Variants in AGXT2 observed in about 807,000 individuals in gnomAD.
AGXT2 encodes alanine--glyoxylate aminotransferase 2, mitochondrial.
A neutral mutation model predicts 62.5 loss-of-function variants in AGXT2; 61 were observed. The ratio of observed to expected loss-of-function variants is 0.98; its 90% confidence interval spans 0.79 to 1.21. The LOEUF is 1.21. AGXT2 is among the 50% of genes most tolerant of loss of function. AGXT2 has a pLI of 0.00. For missense variants in AGXT2, 666 were observed against 641.5 expected (o/e 1.04, Z -0.41); for synonymous variants, 243 against 218.7 (o/e 1.11, Z -0.98).
intron 4 of AGXT2, among the ~76,000 whole-genome samples, chr5:35,036,071 C>T (rs1381469496): frequency 7.9e-5 from 7 of 88,858 alleles, no homozygotes; most frequent in East Asian, 5.4e-4. Context: ...AGTGAGACTC[C>T]GTCTCAAAAA....
chr5:35,024,598 G>T (rs1225817981), intron 9 of AGXT2, among the ~76,000 whole-genome samples: 2 of 152,128 alleles, frequency 1.3e-5, no homozygotes, highest in Non-Finnish European at 2.9e-5. Context: ...AATTTTTGGG[G>T]AACTATTTTC....
chr5:35,034,918 C>T (rs1767706102), intron 5 of AGXT2, among the ~76,000 whole-genome samples: 1 of 152,096 alleles, frequency 6.6e-6, no homozygotes, highest in African/African-American at 2.4e-5. Flanking sequence ...GTGGTCCCCG[C>T]CACATCTTCA....
intron 5 of AGXT2, 122 bp downstream of exon 5, chr5:35,035,100 A>G: frequency 1.1e-6 from 1 of 889,198 alleles, no homozygotes; most frequent in South Asian, 1.4e-5. Context: ...CTTAAAACTT[A>G]ACAACTAGAA....
At chr5:35,036,878 C>T in intron 4 of AGXT2, 64 bp downstream of exon 4, 2 of 1,607,354 alleles carry the variant, frequency 1.2e-6, no homozygotes, top group Non-Finnish European at 1.7e-6. Flanking sequence ...TCTCTTTGAG[C>T]TGGGAGCATC....
intron 5 of AGXT2, among the ~76,000 whole-genome samples, chr5:35,034,386 T>C (rs1251743025): frequency 1.3e-5 from 2 of 152,194 alleles, no homozygotes; most frequent in Non-Finnish European, 2.9e-5. Flanking sequence ...CTTATTCCTG[T>C]AATAACAGCA....
rs539106591 is a variant in AGXT2 at position 35,036,007 on chromosome 5, G to A, written c.487-691C>T. ...CAGGAGAATCACTTGAACCCAGGAG[G>A]CAGAGATTGCAGTGAGCCGAGATTG... On this transcript the variant is annotated intron_variant, in intron 4 of 13. Transcript: ENST00000231420. 2.0e-5 allele frequency among the ~76,000 whole-genome samples: 3 copies of A among 152,182 alleles called. No individual in the cohort carries two copies. The South Asian group carries it at 6.2e-4, about 32-fold the overall frequency.
At position 34,998,613 on chromosome 5, in the gene AGXT2, C is replaced by T. The variant is rs567044531; in HGVS notation, c.*106G>A. 4 of 882,680 alleles carry T rather than the reference C, an allele frequency of 4.5e-6. No individual in the cohort carries two copies. The Admixed American group carries it at 7.8e-5, about 17-fold the overall frequency. The allele number at this position is 882,680 out of a possible 1,614,324, so 54.7% of individuals were successfully genotyped here. The stretch of plus-strand genomic sequence containing the variant: ...TGACTTTTACAGCTCCTGTGGAGAG[C>T]TGCAGGCTTTCTCTGGATACCAGTG... On this transcript the variant is annotated 3_prime_UTR_variant, in exon 14 of 14. Transcript: ENST00000231420.
At chr5:35,030,191 CT>C (rs773437571) in intron 7 of AGXT2, among the ~76,000 whole-genome samples, 14 of 152,306 alleles carry the variant, frequency 9.2e-5, no homozygotes, top group South Asian at 4.1e-4. Flanking sequence ...CATAAATAGT[CT>C]TGTCCCTTGA....
Position 35,017,163 on chromosome 5 carries a change from A to G in AGXT2, c.964-3044T>C, listed in dbSNP as rs533741146. On this transcript the variant is annotated intron_variant, in intron 9 of 13. Coordinates refer to ENST00000231420, the MANE Select transcript of AGXT2 (RefSeq NM_031900.4). ...CTCTGTTCCTTCCCTTTCTGCCATG[A>G]TTTGCCCTTTCTACACCACGCTCTG... Among the ~76,000 whole-genome samples the G allele has an allele frequency of 2.0e-5, 3 of 152,116 alleles. No homozygotes were observed. The South Asian group carries it at 6.2e-4, about 32-fold the overall frequency.
At chr5:35,029,406 T>C (rs545187813) in intron 7 of AGXT2, among the ~76,000 whole-genome samples, 3 of 152,362 alleles carry the variant, frequency 2.0e-5, no homozygotes, top group Non-Finnish European at 4.4e-5. Context: ...AGACCTTTCA[T>C]GACTTTTTTC....
At chr5:35,029,314 C>G (rs948014083) in intron 7 of AGXT2, among the ~76,000 whole-genome samples, 1 of 152,176 alleles carries the variant, frequency 6.6e-6, no homozygotes, top group Admixed American at 6.5e-5. Flanking sequence ...ATTTAACAAG[C>G]CCATTTGTAA....
At chr5:35,036,893 C>T (rs746166916) in intron 4 of AGXT2, 49 bp downstream of exon 4, 104 of 1,602,258 alleles carry the variant, frequency 6.5e-5, no homozygotes, top group African/African-American at 5.4e-4. Context: ...AGCATCATAC[C>T]TTTTTTTTTC....
At chr5:35,045,913 G>A (rs532037204) in intron 1 of AGXT2, among the ~76,000 whole-genome samples, 4 of 151,970 alleles carry the variant, frequency 2.6e-5, no homozygotes, top group Admixed American at 6.6e-5. Flanking sequence ...AACTACAGGC[G>A]TTCGCCACCA....
At chr5:35,008,717 A>T (rs1766518116) in intron 12 of AGXT2, among the ~76,000 whole-genome samples, 1 of 152,138 alleles carries the variant, frequency 6.6e-6, no homozygotes, top group Non-Finnish European at 1.5e-5. Flanking sequence ...TGGCTGTGAC[A>T]TGTGGTATGA....
At chr5:35,018,699 A>G (rs1766946357) in intron 9 of AGXT2, among the ~76,000 whole-genome samples, 1 of 149,824 alleles carries the variant, frequency 6.7e-6, no homozygotes, top group Admixed American at 6.7e-5. Context: ...CATCATAATG[A>G]CAGGATCAAA....
chr5:35,044,540 G>A lies in AGXT2; in HGVS notation c.88+3265C>T, dbSNP rs760382796. 6.2e-4 allele frequency among the ~76,000 whole-genome samples: 95 copies of A among 152,190 alleles called. 1 individual carries two copies. Among genetic ancestry groups the A allele is most frequent in the Non-Finnish European group, 1.0e-3 (68 of 68,028 alleles). On this transcript the variant is annotated intron_variant, in intron 1 of 13. Coordinates refer to ENST00000231420, the MANE Select transcript of AGXT2 (RefSeq NM_031900.4). ...CCGCTAAGCAAAGCTGCTAAGAGGC[G>A]GTTCCTACCAGAAGTTACTCTACTC...
At chr5:35,013,524 G>A (rs992178165) in intron 10 of AGXT2, among the ~76,000 whole-genome samples, 1 of 152,030 alleles carries the variant, frequency 6.6e-6, no homozygotes, top group Non-Finnish European at 1.5e-5. Flanking sequence ...AGTGGCTCAC[G>A]CCTGTAATCC....
intron 1 of AGXT2, among the ~76,000 whole-genome samples, chr5:35,041,472 G>A (rs1389484382): frequency 1.3e-5 from 2 of 152,112 alleles, no homozygotes; most frequent in Non-Finnish European, 2.9e-5. Flanking sequence ...AGTCTGTTTT[G>A]CTCATTCCTC....
intron 5 of AGXT2, 131 bp from the exon 6 acceptor site, chr5:35,033,684 G>T (rs745864573): frequency 1.1e-5 from 8 of 719,168 alleles, no homozygotes; most frequent in Non-Finnish European, 2.0e-5. Flanking sequence ...TTCTAAGAAC[G>T]CATCTAAGCT....
Sources: allele counts gnomAD v4.1 joint callset (sites outside exome capture counted in the v4.1 genomes callset), GRCh38; gene constraint gnomAD v4.1.1; transcripts MANE v1.5; gene names NCBI Gene and HGNC (gene_info 2026-07-23, HGNC 2026-07-21).